The following CDH18 variants were observed in gnomAD, a reference collection of about 807,000 sequenced individuals.
CDH18 encodes cadherin 18.
Under a neutral mutation model 67.9 loss-of-function variants are expected in CDH18, and 31 were observed. The observed-to-expected ratio is 0.46, with a 90% CI of 0.34 to 0.62. CDH18 has a LOEUF of 0.62. CDH18 is among the 20% of genes least tolerant of loss of function. The pLI is 0.01. For synonymous variants in CDH18, 362 were observed against 347.2 expected (o/e 1.04, Z -0.48); for missense variants, 890 against 975.5 (o/e 0.91, Z 1.17).
intron 2 of CDH18, among the ~76,000 whole-genome samples, chr5:20,066,067 A>T: frequency 6.6e-6 from 1 of 151,938 alleles, no homozygotes; most frequent in East Asian, 1.9e-4. Context: ...CTGATGAAAA[A>T]CTCATATTCC....
intron 2 of CDH18, among the ~76,000 whole-genome samples, chr5:20,126,160 A>G (rs924554485): frequency 2.6e-5 from 4 of 152,170 alleles, no homozygotes; most frequent in Admixed American, 6.5e-5. Context: ...CATAAACACA[A>G]TTTATAAGGT....
intron 2 of CDH18, among the ~76,000 whole-genome samples, chr5:20,172,929 G>T (rs552526474): frequency 1.2e-4 from 18 of 151,630 alleles, no homozygotes; most frequent in Middle Eastern, 6.8e-3. Flanking sequence ...GGCGGAGGTT[G>T]CAGTGAGCCG....
chr5:20,539,646 G>C (rs1561109773), intron 1 of CDH18, among the ~76,000 whole-genome samples: 1 of 151,796 alleles, frequency 6.6e-6, no homozygotes, highest in African/African-American at 2.4e-5. Context: ...GAGTCTGTTG[G>C]TATCTAAATT....
chr5:19,811,156 A>C (rs750148956), intron 3 of CDH18, among the ~76,000 whole-genome samples: 293 of 22,226 alleles, frequency 0.013, 4 homozygotes, highest in Middle Eastern at 0.042. Context: ...GAAAGAAAGA[A>C]AGAAGGAGAG....
intron 1 of CDH18, among the ~76,000 whole-genome samples, chr5:20,481,404 C>A (rs1752802847): frequency 6.6e-6 from 1 of 151,978 alleles, no homozygotes; most frequent in African/African-American, 2.4e-5. Context: ...ATAGGATTGA[C>A]CATCCAGACA....
chr5:20,220,323 T>A (rs1046465197), intron 2 of CDH18, among the ~76,000 whole-genome samples: 9 of 151,856 alleles, frequency 5.9e-5, no homozygotes, highest in African/African-American at 2.2e-4. Flanking sequence ...AATACATACA[T>A]ACTTCTACAA....
At chr5:20,136,279 T>C (rs1469135182) in intron 2 of CDH18, among the ~76,000 whole-genome samples, 2 of 152,176 alleles carry the variant, frequency 1.3e-5, no homozygotes, top group East Asian at 1.9e-4. Context: ...GGTGCTCCTG[T>C]ATTGGGTGCA....
intron 1 of CDH18, among the ~76,000 whole-genome samples, chr5:20,461,351 T>C (rs934190312): frequency 2.6e-5 from 4 of 152,186 alleles, no homozygotes; most frequent in Admixed American, 2.6e-4. Context: ...TCTCCGTGTG[T>C]ATCCCTTTAG....
At position 19,578,339 on chromosome 5, in the gene CDH18, G is replaced by A. The variant is rs568004018; in HGVS notation, c.1000-6507C>T. Among the ~76,000 whole-genome samples, 14 of 152,122 alleles carry A rather than the reference G, an allele frequency of 9.2e-5. No individual in the cohort carries two copies. The East Asian group carries it at 2.5e-3, about 27-fold the overall frequency. On this transcript the variant is annotated intron_variant, in intron 7 of 12. Transcript: ENST00000382275. ...GAATTATTGGGTCTGATATATTTAG[G>A]GAAAATTCACAAGCTTCTCATTTTC...
intron 3 of CDH18, among the ~76,000 whole-genome samples, chr5:19,774,022 A>G (rs569407760): frequency 1.3e-5 from 2 of 152,220 alleles, no homozygotes; most frequent in South Asian, 4.1e-4. Flanking sequence ...ATTTCTCTAT[A>G]TAGCTAGATC....
chr5:19,965,321 T>C (rs963986157), intron 2 of CDH18, among the ~76,000 whole-genome samples: 1 of 152,174 alleles, frequency 6.6e-6, no homozygotes, highest in Non-Finnish European at 1.5e-5. Context: ...TGTAGCCACA[T>C]ATGTAGGAAT....
chr5:19,692,480 T>G (rs147223309), intron 5 of CDH18, among the ~76,000 whole-genome samples: 157 of 152,186 alleles, frequency 1.0e-3, no homozygotes, highest in African/African-American at 3.6e-3. Context: ...TGCAAATTAT[T>G]TATCTAACAA....
At chr5:19,938,058 T>C (rs990233743) in intron 2 of CDH18, among the ~76,000 whole-genome samples, 1 of 148,350 alleles carries the variant, frequency 6.7e-6, no homozygotes, top group East Asian at 1.9e-4. Context: ...TTTAAATATA[T>C]ATATTTAAAC....
At chr5:20,083,035 C>T (rs1417695064) in intron 2 of CDH18, among the ~76,000 whole-genome samples, 1 of 152,176 alleles carries the variant, frequency 6.6e-6, no homozygotes. Context: ...GCTCCACATA[C>T]CCTTTCCCAA....
At chr5:20,480,519 G>A (rs1175655063) in intron 1 of CDH18, among the ~76,000 whole-genome samples, 1 of 152,088 alleles carries the variant, frequency 6.6e-6, no homozygotes, top group Non-Finnish European at 1.5e-5. Context: ...CCAGGTTCAA[G>A]CAATTCTCAT....
At chr5:19,548,725 C>T (rs1736777430) in intron 8 of CDH18, among the ~76,000 whole-genome samples, 1 of 150,364 alleles carries the variant, frequency 6.7e-6, no homozygotes, top group Non-Finnish European at 1.5e-5. Context: ...AAAATACAAT[C>T]TAGGTCTACT....
At chr5:20,493,378 A>AAAAAAAAAAAAAAC in intron 1 of CDH18, among the ~76,000 whole-genome samples, 1 of 56,266 alleles carries the variant, frequency 1.8e-5, no homozygotes, top group Non-Finnish European at 4.0e-5. Flanking sequence ...AAAAAAAAAA[A>AAAAAAAAAAAAAAC]AAAAAAAGCA....
intron 1 of CDH18, among the ~76,000 whole-genome samples, chr5:20,483,652 C>A (rs1752974409): frequency 7.2e-6 from 1 of 139,540 alleles, no homozygotes; most frequent in African/African-American, 3.0e-5. Context: ...AAGAAAGTTG[C>A]CAAAAAAAAA....
intron 6 of CDH18, among the ~76,000 whole-genome samples, chr5:19,600,004 C>A (rs1199338603): frequency 1.3e-5 from 2 of 152,026 alleles, no homozygotes; most frequent in Non-Finnish European, 2.9e-5. Flanking sequence ...CACTGGAGCA[C>A]CTATTTAGCC....
Sources: gnomAD v4.1 joint callset for allele counts (sites outside exome capture counted in the v4.1 genomes callset) on GRCh38, gnomAD v4.1.1 for gene constraint, MANE v1.5 for transcripts, NCBI Gene and HGNC (gene_info 2026-07-23, HGNC 2026-07-21) for gene names.